Variants in NHSL1 observed in about 807,000 individuals in gnomAD.
NHSL1 encodes the protein NHS like 1.
In NHSL1, 48 loss-of-function variants were observed where a neutral mutation model predicts 95.0. That is an observed-to-expected ratio of 0.51 (90% CI 0.40 to 0.64). NHSL1 has a LOEUF of 0.64. NHSL1 is among the 30% of genes least tolerant of loss of function. The pLI is 0.00. For synonymous variants in NHSL1, 783 were observed against 833.9 expected (o/e 0.94, Z 1.05); for missense variants, 1,971 against 2,077.7 (o/e 0.95, Z 1.00).
At chr6:138,595,132 C>T (rs190589093) in intron 1 of NHSL1, among the ~76,000 whole-genome samples, 6 of 152,270 alleles carry the variant, frequency 3.9e-5, no homozygotes, top group South Asian at 2.1e-4. Context: ...CTTCTAAGTA[C>T]GTCAATCACC....
chr6:138,573,352 C>T (rs1333097136), upstream of NHSL1, among the ~76,000 whole-genome samples: 1 of 152,162 alleles, frequency 6.6e-6, no homozygotes, highest in African/African-American at 2.4e-5. Context: ...TTCTCCCAAG[C>T]GTTATTTGGG....
chr6:138,566,273 C>G (rs1162782979), intron 1 of NHSL1, among the ~76,000 whole-genome samples: 2 of 151,956 alleles, frequency 1.3e-5, no homozygotes, highest in Non-Finnish European at 2.9e-5. Context: ...TGGCGGGTGC[C>G]TGTAATCCCA....
intron 1 of NHSL1, among the ~76,000 whole-genome samples, chr6:138,690,100 A>G (rs1785643146): frequency 6.6e-6 from 1 of 152,240 alleles, no homozygotes; most frequent in Admixed American, 6.5e-5. Flanking sequence ...CTCTCTGGGT[A>G]AGAATTCACG....
Position 138,424,921 on chromosome 6 carries a change from A to G in NHSL1, c.4086-105T>C. 1.3e-5 allele frequency: 13 copies of G among 969,566 alleles called. No homozygotes were observed. The highest frequency in any genetic ancestry group is 2.9e-4 in the Middle Eastern group (1 of 3,488). 60.1% of individuals were successfully genotyped at this position (969,566 alleles called of 1,614,324 possible). The stretch of plus-strand genomic sequence containing the variant: ...GCATCTTCAGGTCACCATCTACTTA[A>G]GATTCACTTTCAAAAAATTTATTTT... On this transcript the variant is annotated intron_variant, in intron 7 of 7. Coordinates refer to ENST00000343505, the MANE Select transcript of NHSL1 (RefSeq NM_001144060.2). This position sits in a 1 kb window ranked among gnomAD's most constrained non-coding sequence, Gnocchi z 5.9.
At chr6:138,598,059 C>T (rs987872285) in intron 1 of NHSL1, among the ~76,000 whole-genome samples, 1 of 151,000 alleles carries the variant, frequency 6.6e-6, no homozygotes, top group Admixed American at 6.9e-5. Context: ...CCAGCACTCT[C>T]GGAGGCCGAG....
intron 2 of NHSL1, among the ~76,000 whole-genome samples, chr6:138,474,630 T>C (rs1226648397): frequency 6.6e-6 from 1 of 152,216 alleles, no homozygotes; most frequent in Admixed American, 6.5e-5. Context: ...ATAAAATAGC[T>C]AACTAATACT....
intron 1 of NHSL1, among the ~76,000 whole-genome samples, chr6:138,609,748 T>C (rs1267244853): frequency 1.0e-4 from 3 of 29,348 alleles, no homozygotes; most frequent in Admixed American, 4.8e-4. Context: ...AGACTCTGTC[T>C]CAAAAAAAAA....
chr6:138,526,379 G>A (rs1421910372), intron 1 of NHSL1, among the ~76,000 whole-genome samples: 1 of 152,180 alleles, frequency 6.6e-6, no homozygotes, highest in African/African-American at 2.4e-5. Context: ...TACTGGGAAG[G>A]CTGAGGTGAG....
At chr6:138,659,470 C>T (rs1229500027) in intron 1 of NHSL1, among the ~76,000 whole-genome samples, 1 of 152,104 alleles carries the variant, frequency 6.6e-6, no homozygotes, top group African/African-American at 2.4e-5. Context: ...TAATATTTCT[C>T]CCAAACCAAA....
upstream of NHSL1, among the ~76,000 whole-genome samples, chr6:138,502,648 T>C (rs143954254): frequency 6.1e-3 from 935 of 152,182 alleles, 25 homozygotes; most frequent in Admixed American, 0.043. Flanking sequence ...GAACTAGACA[T>C]GAAAAACTTG....
At chr6:138,520,585 C>T (rs959698988) in intron 1 of NHSL1, among the ~76,000 whole-genome samples, 2 of 152,036 alleles carry the variant, frequency 1.3e-5, no homozygotes, top group Non-Finnish European at 2.9e-5. Context: ...CCACTGCGCC[C>T]AGCAGTTTAA....
intron 1 of NHSL1, among the ~76,000 whole-genome samples, chr6:138,616,859 T>C (rs562942905): frequency 6.6e-6 from 1 of 152,318 alleles, no homozygotes; most frequent in South Asian, 2.1e-4. Flanking sequence ...AGTTATGTTG[T>C]TAGAGCTGAG....
intron 1 of NHSL1, among the ~76,000 whole-genome samples, chr6:138,670,653 G>A (rs1367695499): frequency 1.6e-5 from 2 of 123,000 alleles, no homozygotes; most frequent in Admixed American, 9.0e-5. Context: ...GCGACAAAGC[G>A]AGACTCCGTC....
Position 138,424,104 on chromosome 6 carries a change from C to G in NHSL1, c.4798G>C (p.Gly1600Arg), listed in dbSNP as rs1190826929. The G allele has an allele frequency of 1.4e-6, 2 of 1,407,182 alleles. No homozygotes were observed. Among genetic ancestry groups the G allele is most frequent in the Non-Finnish European group, 1.8e-6 (2 of 1,082,218 alleles). 87.2% of individuals were successfully genotyped at this position (1,407,182 alleles called of 1,614,324 possible). ...CCCTAACTCTCCTCGCTCAGAGAAC[C>G]GCCACACTGTGGGGAGGGCTCTCTG... ...EGREPSPQCG[G>R]SLSEES Residue 1600 changes from glycine to arginine, a missense_variant, in exon 8 of 8, where the codon GGT (glycine) becomes CGT (arginine). Around this residue, in one of 3 missense-constraint regions of NHSL1, gnomAD observed 223 missense variants for 217.0 expected, o/e 1.03. Coordinates refer to ENST00000343505, the MANE Select transcript of NHSL1 (RefSeq NM_001144060.2). The surrounding 1 kb of genome is among the most constrained non-coding windows in gnomAD (Gnocchi z 5.9).
intron 4 of NHSL1, among the ~76,000 whole-genome samples, chr6:138,443,062 C>T (rs375260580): frequency 1.1e-4 from 16 of 145,246 alleles, no homozygotes; most frequent in African/African-American, 3.2e-4. Context: ...TACACACACA[C>T]ATATATATAT....
chr6:138,690,171 G>A (rs1293434705), intron 1 of NHSL1, among the ~76,000 whole-genome samples: 2 of 152,198 alleles, frequency 1.3e-5, no homozygotes, highest in Non-Finnish European at 2.9e-5. Context: ...TACTAATGGA[G>A]TATGATATTC....
chr6:138,425,767 T>C (rs1005750381), intron 7 of NHSL1, among the ~76,000 whole-genome samples: 5 of 152,194 alleles, frequency 3.3e-5, no homozygotes, highest in African/African-American at 9.7e-5. Flanking sequence ...TTCTCAGTTA[T>C]TCTAGAAGTT....
At chr6:138,650,315 G>A in intron 1 of NHSL1, 1 of 814,038 alleles carries the variant, frequency 1.2e-6, no homozygotes, top group Non-Finnish European at 2.1e-6. Flanking sequence ...ACTTCCAGCA[G>A]TGAATCCAGG....
intron 1 of NHSL1, among the ~76,000 whole-genome samples, chr6:138,532,228 A>C (rs1481416578): frequency 2.0e-5 from 3 of 152,202 alleles, no homozygotes; most frequent in Non-Finnish European, 4.4e-5. Flanking sequence ...GCTACTGAGA[A>C]TTGAAGCTCA....
Sources: allele counts gnomAD v4.1 joint callset (sites outside exome capture counted in the v4.1 genomes callset), GRCh38; gene constraint gnomAD v4.1.1; regional missense constraint gnomAD v4.1.1; non-coding constraint Gnocchi (gnomAD v3.1); transcripts MANE v1.5; gene names NCBI Gene and HGNC (gene_info 2026-07-23, HGNC 2026-07-21).